Variants in RARB observed in about 807,000 individuals in gnomAD.
The protein encoded by RARB is HBV-activated protein.
A neutral mutation model predicts 51.9 loss-of-function variants in RARB; 17 were observed. The ratio of observed to expected loss-of-function variants is 0.33; its 90% confidence interval spans 0.22 to 0.49. The LOEUF (loss-of-function observed/expected upper bound fraction) is 0.49. RARB is among the 20% of genes least tolerant of loss of function. The pLI is 0.99. For synonymous variants in RARB, 215 were observed against 195.4 expected (o/e 1.10, Z -0.84); for missense variants, 369 against 550.8 (o/e 0.67, Z 3.30).
chr3:25,000,977 A>G (rs1380953639), intron 2 of RARB, among the ~76,000 whole-genome samples: 4 of 152,108 alleles, frequency 2.6e-5, no homozygotes, highest in Non-Finnish European at 5.9e-5. Context: ...TTGATTTTTG[A>G]ATTGAGCAGA....
chr3:25,029,585 G>A (rs1303721577), intron 2 of RARB, among the ~76,000 whole-genome samples: 1 of 152,136 alleles, frequency 6.6e-6, no homozygotes, highest in East Asian at 1.9e-4. Flanking sequence ...CAAATGTGCG[G>A]TCAGTGGGGA....
At chr3:25,270,509 T>A (rs1158277134) in intron 5 of RARB, among the ~76,000 whole-genome samples, 1 of 152,170 alleles carries the variant, frequency 6.6e-6, no homozygotes, top group Non-Finnish European at 1.5e-5. Flanking sequence ...AAAAAAGATA[T>A]ATTTTTAAAA....
chr3:25,455,233 T>C (rs1288327011), intron 1 of RARB, among the ~76,000 whole-genome samples: 1 of 152,218 alleles, frequency 6.6e-6, no homozygotes, highest in Non-Finnish European at 1.5e-5. Context: ...TTTAAAGAGT[T>C]GGAGCTTGTG....
intron 5 of RARB, among the ~76,000 whole-genome samples, chr3:25,271,114 G>T (rs762860720): frequency 2.0e-5 from 3 of 152,174 alleles, no homozygotes; most frequent in Non-Finnish European, 4.4e-5. Flanking sequence ...TCTAATTTTA[G>T]CATCAAAATG....
At chr3:25,116,202 C>CTGTGAAAT (rs1448829765) in intron 3 of RARB, among the ~76,000 whole-genome samples, 1 of 152,184 alleles carries the variant, frequency 6.6e-6, no homozygotes, top group Non-Finnish European at 1.5e-5. Context: ...GTAGCCAAGT[C>CTGTGAAAT]TGTGAAATTG....
At chr3:24,838,129 C>A (rs750928870) in intron 1 of RARB, among the ~76,000 whole-genome samples, 4 of 152,164 alleles carry the variant, frequency 2.6e-5, no homozygotes. Context: ...GGATCATTCT[C>A]AACTTTTAGA....
At chr3:25,142,621 G>A (rs2125337574) in intron 4 of RARB, among the ~76,000 whole-genome samples, 1 of 148,840 alleles carries the variant, frequency 6.7e-6, no homozygotes, top group Non-Finnish European at 1.5e-5. Context: ...TCCCATCTGT[G>A]TCATATCTGA....
At chr3:25,461,796 GA>G (rs1234963833) in intron 2 of RARB, among the ~76,000 whole-genome samples, 2 of 152,204 alleles carry the variant, frequency 1.3e-5, no homozygotes, top group African/African-American at 4.8e-5. Flanking sequence ...TCAGGAGGCT[GA>G]GACACGAGAA....
intron 3 of RARB, among the ~76,000 whole-genome samples, chr3:25,070,059 A>G (rs1376415975): frequency 6.6e-6 from 1 of 152,194 alleles, no homozygotes; most frequent in Non-Finnish European, 1.5e-5. Flanking sequence ...GTGGTGGAGA[A>G]TCCTTCCTTG....
intron 2 of RARB, among the ~76,000 whole-genome samples, chr3:24,950,263 A>G (rs1181609773): frequency 6.6e-6 from 1 of 152,182 alleles, no homozygotes; most frequent in African/African-American, 2.4e-5. Context: ...TCTTCATTTA[A>G]AACATTACAG....
At chr3:24,864,393 A>G (rs952977444) in intron 2 of RARB, among the ~76,000 whole-genome samples, 39 of 152,120 alleles carry the variant, frequency 2.6e-4, no homozygotes, top group African/African-American at 9.2e-4. Context: ...GCCTCTGGAT[A>G]CTTCCCTGGC....
At chr3:25,011,891 T>TC (rs1697405812) in intron 2 of RARB, among the ~76,000 whole-genome samples, 1 of 151,936 alleles carries the variant, frequency 6.6e-6, no homozygotes, top group Non-Finnish European at 1.5e-5. Context: ...CTTGATCCAG[T>TC]CCCTAAAAAA....
chr3:25,329,244 C>T (rs1052303539), intron 5 of RARB, among the ~76,000 whole-genome samples: 1 of 152,158 alleles, frequency 6.6e-6, no homozygotes, highest in Admixed American at 6.5e-5. Context: ...GTCCCTGACC[C>T]CCGAGTAGCC....
chr3:25,350,679 G>A lies in RARB; in HGVS notation c.179-110514G>A, dbSNP rs1313645292. On this transcript the variant is annotated intron_variant, in intron 5 of 11. Transcript: ENST00000383772. ...TGCTCTACGCTGGGTGCCCAGCATC[G>A]AGAGTGCCTGGCACATAGAAAGCTC... is the stretch of plus-strand genomic sequence containing the variant. Among the ~76,000 whole-genome samples, 4 of 152,328 alleles carry A rather than the reference G, an allele frequency of 2.6e-5. No homozygotes were observed. The East Asian group carries it at 5.8e-4, about 22-fold the overall frequency.
intron 2 of RARB, among the ~76,000 whole-genome samples, chr3:25,045,805 ATTAG>A (rs1575134279): frequency 6.6e-6 from 1 of 152,228 alleles, no homozygotes; most frequent in African/African-American, 2.4e-5. Context: ...TAATATTTTT[ATTAG>A]TTCCAAAATA....
chr3:25,592,939 G>A (rs1701668569), intron 5 of RARB, among the ~76,000 whole-genome samples: 1 of 152,090 alleles, frequency 6.6e-6, no homozygotes, highest in Admixed American at 6.6e-5. Context: ...GCCTAACTTG[G>A]GTTTGAGTCA....
intron 2 of RARB, among the ~76,000 whole-genome samples, chr3:24,993,475 G>A (rs1008880467): frequency 4.0e-5 from 6 of 151,812 alleles, no homozygotes; most frequent in Admixed American, 2.6e-4. Flanking sequence ...CAATACATTC[G>A]TACATATGAA....
At chr3:25,222,851 A>G (rs1258850447) in intron 5 of RARB, among the ~76,000 whole-genome samples, 3 of 152,186 alleles carry the variant, frequency 2.0e-5, no homozygotes, top group African/African-American at 7.2e-5. Context: ...TGTCTGTTTA[A>G]GGCATTCTTG....
chr3:25,313,169 C>T (rs1036630894), intron 5 of RARB, among the ~76,000 whole-genome samples: 2 of 152,148 alleles, frequency 1.3e-5, no homozygotes, highest in Non-Finnish European at 2.9e-5. Context: ...TTAATCCTTT[C>T]CTTGGAAGTT....
Sources: gnomAD v4.1 joint callset for allele counts (sites outside exome capture counted in the v4.1 genomes callset) on GRCh38, gnomAD v4.1.1 for gene constraint, MANE v1.5 for transcripts, NCBI Gene and HGNC (gene_info 2026-07-23, HGNC 2026-07-21) for gene names.